The following SLC4A4 variants were observed in gnomAD, a reference collection of about 807,000 sequenced individuals.
SLC4A4 encodes the protein solute carrier family 4 member 4, also known as electrogenic sodium bicarbonate cotransporter 1.
SLC4A4 carries 27 observed loss-of-function variants against 111.5 expected under a neutral mutation model. The ratio of observed to expected loss-of-function variants is 0.24; its 90% CI spans 0.18 to 0.33. The LOEUF is 0.33. Among genes scored for constraint, SLC4A4 ranks in the 10% least tolerant of loss-of-function variants. SLC4A4 has a pLI of 1.00. For missense variants in SLC4A4, 909 were observed against 1,315.5 expected (o/e 0.69, Z 4.78); for synonymous variants, 443 against 463.4 (o/e 0.96, Z 0.57).
chr4:71,305,134 G>A (rs1466657322), intron 3 of SLC4A4, among the ~76,000 whole-genome samples: 1 of 152,186 alleles, frequency 6.6e-6, no homozygotes, highest in Non-Finnish European at 1.5e-5. Flanking sequence ...CTCAAAGAAT[G>A]AGGCTCAGAG....
At chr4:71,313,420 A>C (rs1182177197) in intron 3 of SLC4A4, among the ~76,000 whole-genome samples, 3 of 152,230 alleles carry the variant, frequency 2.0e-5, no homozygotes, top group Non-Finnish European at 4.4e-5. Flanking sequence ...AGAATTAGAA[A>C]AAAACTACTT....
At chr4:71,312,964 A>G (rs1046819557) in intron 3 of SLC4A4, among the ~76,000 whole-genome samples, 64 of 146,986 alleles carry the variant, frequency 4.4e-4, no homozygotes, top group African/African-American at 1.6e-3. Context: ...ATTCAATTCA[A>G]ATAGGAAAAG....
intron 6 of SLC4A4, among the ~76,000 whole-genome samples, chr4:71,364,331 G>A (rs1162004726): frequency 6.6e-6 from 1 of 152,124 alleles, no homozygotes; most frequent in Non-Finnish European, 1.5e-5. Flanking sequence ...CTTATTCTGT[G>A]CATATAACCA....
chr4:71,144,600 G>A (rs1036380981), intron 2 of SLC4A4, among the ~76,000 whole-genome samples: 9 of 151,434 alleles, frequency 5.9e-5, no homozygotes, highest in Non-Finnish European at 8.8e-5. Context: ...TCTTCCATTT[G>A]TTTGTATCCT....
chr4:71,464,255 A>G (rs1367162646), intron 12 of SLC4A4, among the ~76,000 whole-genome samples: 1 of 152,152 alleles, frequency 6.6e-6, no homozygotes, highest in African/African-American at 2.4e-5. Flanking sequence ...AGACCCAAAG[A>G]CTTGTTGTGT....
At chr4:71,190,996 C>T (rs1469500377) in intron 1 of SLC4A4, among the ~76,000 whole-genome samples, 1 of 152,200 alleles carries the variant, frequency 6.6e-6, no homozygotes, top group Non-Finnish European at 1.5e-5. Flanking sequence ...CTGGTAACAA[C>T]ATTCTGTTTT....
chr4:71,269,616 A>G (rs752431107), intron 3 of SLC4A4, among the ~76,000 whole-genome samples: 1 of 152,216 alleles, frequency 6.6e-6, no homozygotes, highest in African/African-American at 2.4e-5. Flanking sequence ...GGAAATGTGC[A>G]TGGACTTAAG....
chr4:71,483,575 G>C (rs866643673), intron 14 of SLC4A4, among the ~76,000 whole-genome samples: 1 of 151,910 alleles, frequency 6.6e-6, no homozygotes, highest in East Asian at 1.9e-4. Flanking sequence ...GCCTATCATT[G>C]ATGGGCAGTT....
intron 1 of SLC4A4, among the ~76,000 whole-genome samples, chr4:71,204,896 G>T (rs1344968927): frequency 1.3e-5 from 2 of 152,120 alleles, no homozygotes; most frequent in African/African-American, 2.4e-5. Flanking sequence ...CAATGAGAGA[G>T]GCTAATGTAG....
intron 2 of SLC4A4, among the ~76,000 whole-genome samples, chr4:71,159,605 C>T (rs1295433086): frequency 2.6e-5 from 4 of 152,196 alleles, no homozygotes; most frequent in African/African-American, 9.6e-5. Context: ...TTCAAGTGAT[C>T]TGCCCTCCTT....
intron 2 of SLC4A4, among the ~76,000 whole-genome samples, chr4:71,175,298 A>G (rs1027449473): frequency 2.6e-5 from 4 of 152,216 alleles, no homozygotes; most frequent in Non-Finnish European, 5.9e-5. Context: ...CTGCATTTCC[A>G]ACTGAGGTAC....
At chr4:71,219,123 A>G (rs1019842895) in intron 1 of SLC4A4, among the ~76,000 whole-genome samples, 4 of 152,216 alleles carry the variant, frequency 2.6e-5, no homozygotes, top group Admixed American at 2.6e-4. Flanking sequence ...TCTCACTTTA[A>G]GTTAAAAGCT....
intron 3 of SLC4A4, among the ~76,000 whole-genome samples, chr4:71,303,195 T>G (rs1415945650): frequency 6.6e-6 from 1 of 152,188 alleles, no homozygotes; most frequent in Non-Finnish European, 1.5e-5. Context: ...AGGATTTAGC[T>G]GGGCAAGGGA....
chr4:71,334,437 G>C (rs2035333943), intron 3 of SLC4A4, among the ~76,000 whole-genome samples: 1 of 152,070 alleles, frequency 6.6e-6, no homozygotes, highest in Admixed American at 6.5e-5. Flanking sequence ...TCAAGCAGAA[G>C]GAAGGAGTTT....
chr4:71,271,536 G>A (rs964413795), intron 3 of SLC4A4, among the ~76,000 whole-genome samples: 1 of 152,140 alleles, frequency 6.6e-6, no homozygotes, highest in Non-Finnish European at 1.5e-5. Context: ...GATTAATATT[G>A]TTCCTACAGT....
chr4:71,406,590 C>T (rs1452327235), intron 7 of SLC4A4, among the ~76,000 whole-genome samples: 1 of 151,920 alleles, frequency 6.6e-6, no homozygotes, highest in Admixed American at 6.6e-5. Context: ...CATGTGTTAC[C>T]CACCAATGGG....
intron 14 of SLC4A4, among the ~76,000 whole-genome samples, chr4:71,483,145 G>A (rs1312175249): frequency 6.6e-6 from 1 of 151,472 alleles, no homozygotes; most frequent in Non-Finnish European, 1.5e-5. Context: ...TTATTGTTTA[G>A]ACCAAATGTC....
chr4:71,258,216 C>T (rs1407137805), intron 3 of SLC4A4, among the ~76,000 whole-genome samples: 14 of 152,222 alleles, frequency 9.2e-5, no homozygotes, highest in African/African-American at 2.7e-4. Context: ...GGTGCTAAAA[C>T]CTTTTCTGCC....
intron 3 of SLC4A4, among the ~76,000 whole-genome samples, chr4:71,273,441 G>A (rs143706119): frequency 1.1e-3 from 160 of 152,294 alleles, no homozygotes; most frequent in African/African-American, 3.7e-3. Flanking sequence ...CTTGCAGTGG[G>A]AGAAATGTAA....
Sources: allele counts gnomAD v4.1 joint callset (sites outside exome capture counted in the v4.1 genomes callset), GRCh38; gene constraint gnomAD v4.1.1; transcripts MANE v1.5; gene names NCBI Gene and HGNC (gene_info 2026-07-23, HGNC 2026-07-21).